CHD6: variants seen among roughly 807,000 people sequenced by gnomAD.
The protein encoded by CHD6 is chromodomain helicase DNA binding protein 6.
In CHD6, 50 loss-of-function variants were observed where a neutral mutation model predicts 276.9. The observed-to-expected ratio is 0.18, with a 90% CI of 0.14 to 0.23. CHD6 has a LOEUF of 0.23. CHD6 is among the 10% of genes least tolerant of loss of function. The pLI is 1.00. For missense variants in CHD6, 2,564 were observed against 3,365.8 expected, an observed-to-expected ratio of 0.76 and a Z score of 5.89; for synonymous variants, 1,173 against 1,229.3, an observed-to-expected ratio of 0.95 and a Z score of 0.96.
chr20:41,540,177 T>C (rs1260322840), intron 2 of CHD6, among the ~76,000 whole-genome samples: 3 of 152,214 alleles, frequency 2.0e-5, no homozygotes, highest in Non-Finnish European at 4.4e-5. Context: ...TGGCTTATGG[T>C]ATAATTCAAT....
intron 6 of CHD6, among the ~76,000 whole-genome samples, chr20:41,498,819 G>A (rs201435841): frequency 9.9e-5 from 8 of 81,192 alleles, no homozygotes; most frequent in East Asian, 5.1e-4. Context: ...GTATGTGTGT[G>A]TGTGTGTGTG....
At chr20:41,608,825 C>A (rs954358325) in intron 1 of CHD6, among the ~76,000 whole-genome samples, 2 of 152,204 alleles carry the variant, frequency 1.3e-5, no homozygotes, top group Admixed American at 6.5e-5. Context: ...GCCACAACCA[C>A]ACTCATAAGG....
chr20:41,450,993 G>T lies in CHD6; in HGVS notation c.3636C>A (p.Val1212=), dbSNP rs754625497. 1 of 1,613,880 alleles carries T rather than the reference G, an allele frequency of 6.2e-7. No homozygotes were observed. The highest frequency in any genetic ancestry group is 1.1e-5 in the South Asian group (1 of 91,044). Residue 1212 remains valine (V), a synonymous_variant, in exon 23 of 37, where the codon GTC becomes GTA. Transcript: ENST00000373233. The part of the protein sequence containing the change: ...DWLATCNPEV[V]LHDDGYKKHL... ...GTTTCTTATAGCCATCATCATGCAA[G>T]ACCACCTCGGGGTTGCAGGTGGCTA...
At chr20:41,609,333 GAAGA>G (rs1272227377) in intron 1 of CHD6, among the ~76,000 whole-genome samples, 2 of 152,152 alleles carry the variant, frequency 1.3e-5, no homozygotes, top group Non-Finnish European at 2.9e-5. Flanking sequence ...GACATCCTTA[GAAGA>G]AAGTCAGACA....
chr20:41,451,803 G>A (rs2048249143), intron 22 of CHD6, 23 bp downstream of exon 22: 1 of 1,609,852 alleles, frequency 6.2e-7, no homozygotes, highest in African/African-American at 1.3e-5. Flanking sequence ...GTGCTTCTTA[G>A]GCATGGCCCT....
At chr20:41,472,332 T>C (rs1409666782) in intron 17 of CHD6, among the ~76,000 whole-genome samples, 1 of 152,058 alleles carries the variant, frequency 6.6e-6, no homozygotes, top group Non-Finnish European at 1.5e-5. Flanking sequence ...ATTGGCTTAG[T>C]GCCCTCTTCC....
chr20:41,427,607 A>G (rs2047405970), intron 27 of CHD6, among the ~76,000 whole-genome samples: 1 of 152,218 alleles, frequency 6.6e-6, no homozygotes, highest in African/African-American at 2.4e-5. Context: ...AAAAAAGGAC[A>G]AGAGAGTCTT....
chr20:41,514,372 T>C (rs2044199605), intron 4 of CHD6, among the ~76,000 whole-genome samples: 1 of 152,236 alleles, frequency 6.6e-6, no homozygotes, highest in African/African-American at 2.4e-5. Flanking sequence ...GTTTCCAAGT[T>C]TGGCCAAACC....
chr20:41,571,563 A>G (rs1338529599), intron 1 of CHD6, among the ~76,000 whole-genome samples: 2 of 151,718 alleles, frequency 1.3e-5, no homozygotes, highest in Admixed American at 6.6e-5. Context: ...GCCAATTTTT[A>G]TATTTTTAGT....
At chr20:41,532,155 G>C (rs551088924) in intron 3 of CHD6, among the ~76,000 whole-genome samples, 1 of 152,282 alleles carries the variant, frequency 6.6e-6, no homozygotes, top group East Asian at 1.9e-4. Flanking sequence ...GAATGCATTT[G>C]CTGTCTTGAT....
chr20:41,433,080 GAA>G (rs1247890936), intron 27 of CHD6, among the ~76,000 whole-genome samples: 3 of 110,150 alleles, frequency 2.7e-5, no homozygotes, highest in Admixed American at 1.8e-4. Context: ...GTGAATAACA[GAA>G]AAAAAAAAAA....
chr20:41,571,995 C>T (rs1445080529), intron 1 of CHD6, among the ~76,000 whole-genome samples: 5 of 152,186 alleles, frequency 3.3e-5, no homozygotes, highest in African/African-American at 9.7e-5. Flanking sequence ...TTTACCTGTC[C>T]TGTGCCTTAT....
intron 2 of CHD6, among the ~76,000 whole-genome samples, chr20:41,541,014 C>T (rs1217204054): frequency 7.1e-6 from 1 of 141,038 alleles, no homozygotes; most frequent in East Asian, 2.0e-4. Flanking sequence ...CATTTGACTA[C>T]AGAACATACT....
chr20:41,475,641 T>C (rs1040801906), intron 16 of CHD6, among the ~76,000 whole-genome samples: 18 of 152,134 alleles, frequency 1.2e-4, no homozygotes, highest in East Asian at 5.8e-4. Context: ...AGGGTTGAGA[T>C]TCAATTAAAG....
At chr20:41,596,859 G>A (rs1239199312) in intron 1 of CHD6, among the ~76,000 whole-genome samples, 1 of 152,112 alleles carries the variant, frequency 6.6e-6, no homozygotes, top group Non-Finnish European at 1.5e-5. Context: ...TAGAGAACTG[G>A]AAATGGAAAG....
In CHD6 at chr20:41,417,257, G is replaced by A. The variant is rs1398410021; in HGVS notation, c.6220C>T (p.Pro2074Ser). 1.9e-6 allele frequency: 3 copies of A among 1,614,152 alleles called. No individual in the cohort carries two copies. The highest frequency in any genetic ancestry group is 3.3e-5 in the Admixed American group (2 of 60,030). ...IGDELQEARA[P>S]TIAQLLQEKT... ...TCCTGTAGCAGCTGAGCAATAGTGG[G>A]AGCTCGAGCCTCCTGTAGCTCATCC... is the stretch of plus-strand genomic sequence containing the variant. Residue 2074 changes from proline (P) to serine (S), a missense_variant, in exon 32 of 37, where the codon CCC (proline) becomes TCC (serine). Pro to Ser is a moderately conservative substitution (Grantham distance 74). This residue lies in a region of CHD6 where 1,024 missense variants were observed against 1,047.9 expected (regional missense o/e 0.98). Coordinates refer to ENST00000373233, the MANE Select transcript of CHD6 (RefSeq NM_032221.5).
At chr20:41,453,680 C>T (rs1161564254) in intron 20 of CHD6, among the ~76,000 whole-genome samples, 1 of 152,194 alleles carries the variant, frequency 6.6e-6, no homozygotes, top group Non-Finnish European at 1.5e-5. Flanking sequence ...TGCCTGGCTA[C>T]AGGGCCACAG....
chr20:41,500,825 AAAAG>A (rs2043813556), intron 5 of CHD6, among the ~76,000 whole-genome samples: 1 of 152,174 alleles, frequency 6.6e-6, no homozygotes, highest in African/African-American at 2.4e-5. Flanking sequence ...AAGCAAGAGG[AAAAG>A]AAAGAAGGAA....
chr20:41,480,159 C>G (rs748574158), intron 16 of CHD6, among the ~76,000 whole-genome samples: 6 of 152,126 alleles, frequency 3.9e-5, no homozygotes, highest in East Asian at 1.9e-4. Context: ...AATCCACCAA[C>G]AAGAAGATCT....
Sources: gnomAD v4.1 joint callset for allele counts (sites outside exome capture counted in the v4.1 genomes callset) on GRCh38, gnomAD v4.1.1 for gene constraint, gnomAD v4.1.1 regional missense constraint, MANE v1.5 for transcripts, NCBI Gene and HGNC (gene_info 2026-07-23, HGNC 2026-07-21) for gene names.